Variants in ERC2 observed in about 807,000 individuals in gnomAD.
ERC2 encodes the protein ERC protein 2.
In ERC2, 42 loss-of-function variants were observed where a neutral mutation model predicts 114.8. That is an observed-to-expected ratio of 0.37 (90% CI 0.29 to 0.47). The LOEUF (loss-of-function observed/expected upper bound fraction) is 0.47. Among genes scored for constraint, ERC2 ranks in the 20% least tolerant of loss-of-function variants. The pLI, the probability that ERC2 is intolerant of heterozygous loss-of-function variation, is 0.99. For missense variants in ERC2, 939 were observed against 1,150.7 expected, an observed-to-expected ratio of 0.82 and a Z score of 2.66; for synonymous variants, 454 against 425.5, an observed-to-expected ratio of 1.07 and a Z score of -0.82.
intron 13 of ERC2, among the ~76,000 whole-genome samples, chr3:55,921,559 A>C (rs903124123): frequency 2.0e-5 from 3 of 152,172 alleles, no homozygotes; most frequent in Non-Finnish European, 4.4e-5. Context: ...TTAAAAAATG[A>C]GATGCTGAGA....
At chr3:56,331,511 A>G (rs1230195482) in intron 2 of ERC2, among the ~76,000 whole-genome samples, 1 of 151,980 alleles carries the variant, frequency 6.6e-6, no homozygotes, top group Non-Finnish European at 1.5e-5. Context: ...TTTTTTCTTT[A>G]ACACAGTAAT....
At chr3:55,722,512 T>A (rs185855613) in intron 15 of ERC2, among the ~76,000 whole-genome samples, 5 of 152,174 alleles carry the variant, frequency 3.3e-5, no homozygotes. Context: ...TAGAGCATCA[T>A]CTTTGGTTTT....
At chr3:55,962,634 T>C (rs1480276136) in intron 12 of ERC2, among the ~76,000 whole-genome samples, 2 of 152,204 alleles carry the variant, frequency 1.3e-5, no homozygotes, top group Non-Finnish European at 2.9e-5. Flanking sequence ...GCACTTTACA[T>C]ATATTAACTT....
chr3:56,433,795 T>C (rs2061897455), intron 2 of ERC2: 1 of 156,108 alleles, frequency 6.4e-6, no homozygotes, highest in East Asian at 1.9e-4. Flanking sequence ...AACACCAAGT[T>C]AAAAATTTAT....
At chr3:56,359,645 A>C (rs1044635349) in intron 2 of ERC2, among the ~76,000 whole-genome samples, 1 of 152,248 alleles carries the variant, frequency 6.6e-6, no homozygotes, top group African/African-American at 2.4e-5. Context: ...TGGGTGATTT[A>C]TAAAGAAAAG....
At chr3:55,610,611 G>C (rs1414993719) in intron 17 of ERC2, 1 of 152,116 alleles carries the variant, frequency 6.6e-6, no homozygotes, top group Non-Finnish European at 1.5e-5. Flanking sequence ...TGAGGCTGAG[G>C]TGGGAGGATT....
At chr3:56,133,817 AC>A (rs766716861) in intron 6 of ERC2, among the ~76,000 whole-genome samples, 3 of 152,194 alleles carry the variant, frequency 2.0e-5, no homozygotes, top group Non-Finnish European at 2.9e-5. Context: ...ACGGATCCCC[AC>A]CTTGTCCAGC....
intron 2 of ERC2, among the ~76,000 whole-genome samples, chr3:56,302,692 T>C (rs1438963824): frequency 1.3e-5 from 2 of 152,346 alleles, no homozygotes; most frequent in African/African-American, 4.8e-5. Context: ...TCCACTGGCA[T>C]TCATTTCATC....
At chr3:55,729,424 A>G (rs1346064115) in intron 15 of ERC2, among the ~76,000 whole-genome samples, 1 of 152,146 alleles carries the variant, frequency 6.6e-6, no homozygotes, top group Non-Finnish European at 1.5e-5. Context: ...AATTGTCACC[A>G]GATCCCTGAT....
At chr3:56,436,885 C>A (rs1451366666) in intron 1 of ERC2, among the ~76,000 whole-genome samples, 2 of 152,182 alleles carry the variant, frequency 1.3e-5, no homozygotes, top group African/African-American at 4.8e-5. Flanking sequence ...GAGTGTGAAA[C>A]CAAACCAGGT....
intron 3 of ERC2, among the ~76,000 whole-genome samples, chr3:56,289,465 C>A (rs547432683): frequency 2.6e-5 from 4 of 152,320 alleles, no homozygotes; most frequent in African/African-American, 9.6e-5. Flanking sequence ...CCTTCAAAGG[C>A]TCCCCAGAGC....
At chr3:56,421,745 G>A (rs895726684) in intron 2 of ERC2, among the ~76,000 whole-genome samples, 4 of 152,120 alleles carry the variant, frequency 2.6e-5, no homozygotes, top group Non-Finnish European at 4.4e-5. Flanking sequence ...AACTGACCCC[G>A]ATTCCCGCTC....
intron 12 of ERC2, among the ~76,000 whole-genome samples, chr3:55,983,472 G>A (rs2070326769): frequency 6.6e-6 from 1 of 152,190 alleles, no homozygotes; most frequent in African/African-American, 2.4e-5. Flanking sequence ...GGAGTTTACT[G>A]GAGTGGAGAC....
chr3:56,136,585 G>A (rs2080521696), intron 6 of ERC2, among the ~76,000 whole-genome samples: 1 of 151,968 alleles, frequency 6.6e-6, no homozygotes, highest in African/African-American at 2.4e-5. Context: ...CTCATCTTCT[G>A]AATACTCACC....
At chr3:55,954,637 C>A (rs2067816922) in intron 12 of ERC2, among the ~76,000 whole-genome samples, 1 of 152,194 alleles carries the variant, frequency 6.6e-6, no homozygotes, top group Admixed American at 6.5e-5. Flanking sequence ...TTTTACCCAT[C>A]TGCTTTCAAA....
chr3:56,226,621 G>C (rs1320017143), intron 3 of ERC2, among the ~76,000 whole-genome samples: 4 of 152,098 alleles, frequency 2.6e-5, no homozygotes, highest in Non-Finnish European at 5.9e-5. Flanking sequence ...TGAAGTTTTA[G>C]AGGTATGATG....
At chr3:55,969,676 C>G (rs73086189) in intron 12 of ERC2, among the ~76,000 whole-genome samples, 42,955 of 152,104 alleles carry the variant, frequency 0.28, 7,303 homozygotes, top group Middle Eastern at 0.36. Context: ...GTCTAATGAT[C>G]AGGTGAATTG....
At chr3:56,122,883 C>G (rs1448925074) in intron 6 of ERC2, among the ~76,000 whole-genome samples, 1 of 152,184 alleles carries the variant, frequency 6.6e-6, no homozygotes, top group Non-Finnish European at 1.5e-5. Flanking sequence ...TGTCTCGTCG[C>G]TTCTGCTAAG....
chr3:55,579,034 G>A (rs190935952), intron 17 of ERC2, among the ~76,000 whole-genome samples: 37 of 152,210 alleles, frequency 2.4e-4, no homozygotes, highest in Admixed American at 5.9e-4. Context: ...ACATTCTGTT[G>A]GTCAAAGGAA....
Sources: gnomAD v4.1 joint callset for allele counts (sites outside exome capture counted in the v4.1 genomes callset) on GRCh38, gnomAD v4.1.1 for gene constraint, MANE v1.5 for transcripts, NCBI Gene and HGNC (gene_info 2026-07-23, HGNC 2026-07-21) for gene names.